The following VPS13C variants were observed in gnomAD, a reference collection of about 807,000 sequenced individuals.
VPS13C encodes vacuolar protein sorting 13 homolog C.
VPS13C carries 358 observed loss-of-function variants against 456.8 expected under a neutral mutation model. The observed-to-expected ratio is 0.78, with a 90% confidence interval of 0.72 to 0.86. VPS13C has a LOEUF of 0.86. Among genes scored for constraint, VPS13C ranks in the 40% least tolerant of loss-of-function variants. The pLI, the probability that VPS13C is intolerant of heterozygous loss-of-function variation, is 0.00. For synonymous variants in VPS13C, 1,578 were observed against 1,486.7 expected (o/e 1.06, Z -1.41); for missense variants, 4,818 against 4,385.4 (o/e 1.10, Z -2.79).
Position 61,909,125 on chromosome 15 carries a change from T to A in VPS13C, c.8845A>T (p.Asn2949Tyr), listed in dbSNP as rs2043227430. Reference sequence around the variant, plus strand: ...TTTACATCCACCAAGATACCCCCATTCTATTGTAGAAAAAAAAAAAGTATG... The same window carrying A: ...TTTACATCCACCAAGATACCCCCATACTATTGTAGAAAAAAAAAAAGTATG... ...NGTLLSLEDLNGGILVDVNTA... is the reference protein window; with the variant it reads ...NGTLLSLEDLYGGILVDVNTA... Residue 2949 changes from asparagine to tyrosine, a missense_variant and splice_region_variant, in exon 65 of 85, where the codon AAT becomes TAT. Physicochemically the swap from Asn to Tyr is moderately radical, Grantham distance 143. Transcript: ENST00000644861. 6.3e-7 allele frequency: 1 copy of A among 1,596,562 alleles called. No individual in the cohort carries two copies. Among genetic ancestry groups the A allele is most frequent in the South Asian group, 1.1e-5 (1 of 90,544 alleles).
chr15:62,051,094 T>C (rs967083048), intron 1 of VPS13C, among the ~76,000 whole-genome samples: 1 of 152,118 alleles, frequency 6.6e-6, no homozygotes, highest in Admixed American at 6.5e-5. Flanking sequence ...ATGTAAGAAA[T>C]ATAGTCCTAT....
chr15:61,996,964 G>A (rs2140441360), intron 16 of VPS13C, among the ~76,000 whole-genome samples: 1 of 146,940 alleles, frequency 6.8e-6, no homozygotes, highest in South Asian at 2.1e-4. Context: ...ACATATGGCT[G>A]TTTTCATCCT....
chr15:62,007,479 C>A lies in VPS13C; in HGVS notation c.1119G>T (p.Trp373Cys). 6.4e-7 allele frequency: 1 copy of A among 1,559,578 alleles called. No homozygotes were observed. The highest frequency in any genetic ancestry group is 2.0e-5 in the Admixed American group (1 of 50,332). The stretch of plus-strand genomic sequence containing the variant: ...GAACAGAATCAATTGCATATTTCCA[C>A]CTGAAAATCAAATTTTGTTAACGTA... ...YLPLHTNGRR[W>C]WKYAIDSVLE... is the part of the protein sequence containing the mutation. Residue 373 changes from tryptophan (W) to cysteine (C), a missense_variant and splice_region_variant, in exon 15 of 85, where the codon TGG (tryptophan) becomes TGT (cysteine). By Grantham distance (215) the Trp-to-Cys change is radical. Around this residue, in one of 3 missense-constraint regions of VPS13C, gnomAD observed 4,552 missense variants for 4,130.6 expected, o/e 1.10. Transcript: ENST00000644861.
chr15:62,023,553 G>C, intron 7 of VPS13C, 33 bp from the exon 8 acceptor site: 1 of 1,477,678 alleles, frequency 6.8e-7, no homozygotes, highest in Non-Finnish European at 9.1e-7. Flanking sequence ...AAGCTCAAGA[G>C]TTGAAATTCT....
At chr15:61,880,758 T>A (rs771792238) in intron 72 of VPS13C, 36 bp from the exon 73 acceptor site, 1 of 1,538,802 alleles carries the variant, frequency 6.5e-7, no homozygotes, top group Non-Finnish European at 8.8e-7. Context: ...CTATTTTAAT[T>A]TTTTTCTCTA....
At chr15:61,862,936 G>A (rs1894305216) in intron 82 of VPS13C, among the ~76,000 whole-genome samples, 1 of 151,986 alleles carries the variant, frequency 6.6e-6, no homozygotes, top group African/African-American at 2.4e-5. Flanking sequence ...ATAGATCCCA[G>A]GAAAATAAGC....
At chr15:61,863,343 G>C (rs775678098) in intron 82 of VPS13C, 97 bp downstream of exon 82, 3 of 840,324 alleles carry the variant, frequency 3.6e-6, no homozygotes, top group East Asian at 5.3e-5. Flanking sequence ...AGAATTTTAA[G>C]TACAATTTTC....
In VPS13C at chr15:61,929,647, T is replaced by C. The variant is rs1416885989; in HGVS notation, c.6140A>G (p.Lys2047Arg). 6.2e-7 allele frequency: 1 copy of C among 1,614,132 alleles called. No individual in the cohort carries two copies. The highest frequency in any genetic ancestry group is 2.2e-5 in the East Asian group (1 of 44,870). Reference protein sequence around the residue: ...NGSQIDAVLDKLYVCASVEFL... With the variant: ...NGSQIDAVLDRLYVCASVEFL... ...TTCCACACTGGCACATACATACAGC[T>C]TGTCAAGAACAGCATCAATTTGACT... The change falls in exon 51 of 85, where the codon AAG becomes AGG. Residue 2047 changes from lysine (K) to arginine (R), a missense_variant. Lys to Arg is a conservative substitution (Grantham distance 26). Around this residue, in one of 3 missense-constraint regions of VPS13C, gnomAD observed 4,552 missense variants for 4,130.6 expected, o/e 1.10. Transcript: ENST00000644861.
intron 1 of VPS13C, among the ~76,000 whole-genome samples, chr15:62,054,722 C>T (rs904831656): frequency 1.3e-5 from 2 of 148,838 alleles, no homozygotes; most frequent in Non-Finnish European, 1.5e-5. Flanking sequence ...TATCCCAGAA[C>T]TTAAAGTAGA....
intron 22 of VPS13C, among the ~76,000 whole-genome samples, chr15:61,980,183 CAAAAAAAAA>C (rs71125960): frequency 6.8e-4 from 31 of 45,258 alleles, no homozygotes; most frequent in African/African-American, 1.1e-3. Flanking sequence ...GACCCCATCT[CAAAAAAAAA>C]AAAAAAAAAA....
At chr15:61,885,276 T>G (rs1896186204) in intron 67 of VPS13C, among the ~76,000 whole-genome samples, 1 of 152,150 alleles carries the variant, frequency 6.6e-6, no homozygotes, top group Admixed American at 6.5e-5. Flanking sequence ...AGCTTGAAAT[T>G]CATTAAAAAA....
chr15:62,055,864 T>C (rs949853451), intron 1 of VPS13C, among the ~76,000 whole-genome samples: 41 of 152,178 alleles, frequency 2.7e-4, no homozygotes, highest in Admixed American at 2.6e-3. Context: ...CTTCTTAGAC[T>C]AGGGTTTCTC....
At chr15:61,920,964 C>T (rs904278377) in intron 55 of VPS13C, among the ~76,000 whole-genome samples, 1 of 152,090 alleles carries the variant, frequency 6.6e-6, no homozygotes, top group Non-Finnish European at 1.5e-5. Flanking sequence ...TATGTGTTGA[C>T]GAGCAATCTA....
At position 61,890,327 on chromosome 15, in the gene VPS13C, C is replaced by G; in HGVS notation, c.9179G>C (p.Arg3060Thr). 1.2e-6 allele frequency: 2 copies of G among 1,614,062 alleles called. No individual in the cohort carries two copies. The highest frequency in any genetic ancestry group is 1.7e-6 in the Non-Finnish European group (2 of 1,180,020). Residue 3060 changes from arginine to threonine, a missense_variant, in exon 67 of 85, where the codon AGA (arginine) becomes ACA (threonine). Physicochemically the swap from Arg to Thr is moderately conservative, Grantham distance 71. Coordinates refer to ENST00000644861, the MANE Select transcript of VPS13C (RefSeq NM_020821.3). Reference protein sequence around the residue: ...HWVSFLDGRQRVLLFTDDVAL... With the variant: ...HWVSFLDGRQTVLLFTDDVAL... ...AACATCATCGGTGAAAAGCAAAACT[C>G]TCTGGCGCCCATCCAGAAATGATAC...
In VPS13C at chr15:61,866,209, C is replaced by G. The variant is rs532549838; in HGVS notation, c.10863+2450G>C. ...ACTTGACATCCACGACAAAAACTAC[C>G]AAGTCCTCTCATTAGTGTATAATCA... On this transcript the variant is annotated intron_variant, in intron 81 of 84. Coordinates refer to ENST00000644861, the MANE Select transcript of VPS13C (RefSeq NM_020821.3). 16 of 984,928 alleles carry G rather than the reference C, an allele frequency of 1.6e-5. No individual in the cohort carries two copies. The South Asian group carries it at 3.8e-4, about 23-fold the overall frequency. 61.0% of individuals were successfully genotyped at this position (984,928 alleles called of 1,614,324 possible). A position where few individuals can be genotyped will look rare whatever the true frequency, so the allele number is the denominator to read the frequency against.
At chr15:61,908,949 T>A in intron 65 of VPS13C, 43 bp downstream of exon 65, 1 of 1,600,332 alleles carries the variant, frequency 6.2e-7, no homozygotes, top group Non-Finnish European at 8.5e-7. Flanking sequence ...TTAGTTACTA[T>A]GAACCAATAA....
At chr15:62,015,138 A>G (rs2047184483) in intron 9 of VPS13C, among the ~76,000 whole-genome samples, 1 of 152,170 alleles carries the variant, frequency 6.6e-6, no homozygotes, top group Non-Finnish European at 1.5e-5. Context: ...CCTTATGACC[A>G]CTATCATTAG....
rs778390614 is a variant in VPS13C, at chr15:61,871,949, T to C, written c.10624+40A>G. The C allele has an allele frequency of 3.2e-6, 5 of 1,569,248 alleles. 1 individual carries two copies. In the South Asian group the frequency reaches 3.4e-5, roughly 11 times the overall value. Reference sequence around the variant, plus strand: ...TACTATGTTTACTAATAGCATCAAGTCTTCAGACTTTGTAAAGGAAGGAAA... The same window carrying C: ...TACTATGTTTACTAATAGCATCAAGCCTTCAGACTTTGTAAAGGAAGGAAA... On this transcript the variant is annotated intron_variant, in intron 79 of 84. Coordinates refer to ENST00000644861, the MANE Select transcript of VPS13C (RefSeq NM_020821.3).
chr15:61,907,473 G>A, intron 65 of VPS13C, 83 bp from the exon 66 acceptor site: 2 of 1,506,516 alleles, frequency 1.3e-6, no homozygotes, highest in Non-Finnish European at 1.8e-6. Context: ...GAAGGGATTA[G>A]CACAGAAGTC....
Sources: allele counts gnomAD v4.1 joint callset (sites outside exome capture counted in the v4.1 genomes callset), GRCh38; gene constraint gnomAD v4.1.1; regional missense constraint gnomAD v4.1.1; transcripts MANE v1.5; gene names NCBI Gene and HGNC (gene_info 2026-07-23, HGNC 2026-07-21).